DNAJC6: variants seen among roughly 807,000 people sequenced by gnomAD.
DNAJC6 encodes the protein DnaJ heat shock protein family (Hsp40) member C6.
A neutral mutation model predicts 110.0 loss-of-function variants in DNAJC6; 34 were observed. The ratio of observed to expected loss-of-function variants is 0.31; its 90% CI spans 0.24 to 0.41. DNAJC6 has a LOEUF of 0.41. Ranked by LOEUF, DNAJC6 falls within the 10% of genes least tolerant of loss-of-function variation. The probability of loss-of-function intolerance (pLI) is 1.00; values close to 1 mark genes in which losing one functional copy is unlikely to be tolerated. For synonymous variants in DNAJC6, 406 were observed against 437.2 expected (o/e 0.93, Z 0.89); for missense variants, 1,031 against 1,207.8 (o/e 0.85, Z 2.17).
At chr1:65,369,229 T>TC (rs2101567512) in intron 4 of DNAJC6, among the ~76,000 whole-genome samples, 1 of 152,288 alleles carries the variant, frequency 6.6e-6, no homozygotes, top group South Asian at 2.1e-4. Flanking sequence ...CTCTGACCTG[T>TC]CTCCTTTACC....
intron 1 of DNAJC6, among the ~76,000 whole-genome samples, chr1:65,353,658 T>A (rs1312676309): frequency 6.6e-6 from 1 of 152,248 alleles, no homozygotes; most frequent in East Asian, 1.9e-4. Flanking sequence ...TCCACTCTTA[T>A]CAATCTTTTT....
intron 4 of DNAJC6, among the ~76,000 whole-genome samples, chr1:65,367,101 G>T (rs1645653777): frequency 6.6e-6 from 1 of 152,104 alleles, no homozygotes; most frequent in Non-Finnish European, 1.5e-5. Flanking sequence ...TATTCAATAA[G>T]CTATGGGAGA....
At chr1:65,348,998 A>G (rs1452867287) in intron 1 of DNAJC6, among the ~76,000 whole-genome samples, 1 of 145,774 alleles carries the variant, frequency 6.9e-6, no homozygotes, top group Non-Finnish European at 1.5e-5. Flanking sequence ...ATATATATGT[A>G]AATATATATA....
At chr1:65,371,277 T>C (rs941648828) in intron 4 of DNAJC6, among the ~76,000 whole-genome samples, 3 of 152,188 alleles carry the variant, frequency 2.0e-5, no homozygotes, top group Non-Finnish European at 4.4e-5. Context: ...TAGGTTCACA[T>C]CTCAGCTGTT....
upstream of DNAJC6, among the ~76,000 whole-genome samples, chr1:65,306,076 A>AT (rs35897124): frequency 0.097 from 13,060 of 135,208 alleles, 823 homozygotes; most frequent in East Asian, 0.26. Context: ...GGCAACTTCA[A>AT]TTTTTTTTTT....
chr1:65,266,023 C>T (rs895680547), intron 1 of DNAJC6, among the ~76,000 whole-genome samples: 1 of 152,230 alleles, frequency 6.6e-6, no homozygotes, highest in African/African-American at 2.4e-5. Context: ...CCCTTGGGCT[C>T]GGGGGCTTGG....
intron 13 of DNAJC6, among the ~76,000 whole-genome samples, chr1:65,398,502 T>C (rs1434176739): frequency 6.6e-6 from 1 of 152,174 alleles, no homozygotes; most frequent in African/African-American, 2.4e-5. Flanking sequence ...GACAATTGAA[T>C]GGAGACAGAC....
intron 6 of DNAJC6, 39 bp from the exon 7 acceptor site, chr1:65,385,673 T>C (rs1281388455): frequency 7.0e-7 from 1 of 1,435,992 alleles, no homozygotes; most frequent in South Asian, 1.7e-5. Flanking sequence ...CTTCTCCTGA[T>C]GTGATGGGCC....
intron 17 of DNAJC6, among the ~76,000 whole-genome samples, chr1:65,409,106 G>T (rs576198841): frequency 7.9e-5 from 12 of 152,178 alleles, no homozygotes; most frequent in African/African-American, 2.6e-4. Context: ...CTTTCATAAG[G>T]ACACTAATCC....
At chr1:65,278,476 T>C (rs565343) in intron 1 of DNAJC6, among the ~76,000 whole-genome samples, 110,871 of 151,588 alleles carry the variant, frequency 0.73, 41,597 homozygotes, top group East Asian at 0.98. Context: ...TCCCCAACTC[T>C]GACTCTAGTA....
chr1:65,383,129 G>A (rs901083107), intron 5 of DNAJC6, among the ~76,000 whole-genome samples: 3 of 152,180 alleles, frequency 2.0e-5, no homozygotes, highest in Non-Finnish European at 4.4e-5. Context: ...GCTACTTCAA[G>A]TATGAGTAAT....
intron 14 of DNAJC6, among the ~76,000 whole-genome samples, chr1:65,401,492 GA>G (rs745637935): frequency 5.6e-4 from 85 of 152,316 alleles, no homozygotes; most frequent in Non-Finnish European, 5.7e-4. Flanking sequence ...GAAGTCAGGT[GA>G]CATGAGGACC....
chr1:65,316,085 T>G (rs1359532), intron 1 of DNAJC6, among the ~76,000 whole-genome samples: 2 of 152,064 alleles, frequency 1.3e-5, no homozygotes, highest in African/African-American at 4.8e-5. Flanking sequence ...AAGCATTATA[T>G]ATTTTTGGAA....
At chr1:65,352,062 G>C (rs1645495899) in intron 1 of DNAJC6, among the ~76,000 whole-genome samples, 1 of 152,022 alleles carries the variant, frequency 6.6e-6, no homozygotes, top group Non-Finnish European at 1.5e-5. Flanking sequence ...CACTGCACCC[G>C]GCCTTATAAA....
chr1:65,345,627 G>A lies in DNAJC6; in HGVS notation c.194-19008G>A, dbSNP rs926355908. The A allele has an allele frequency of 1.2e-5, 12 of 984,428 alleles. No individual in the cohort carries two copies. In the South Asian group the frequency reaches 3.3e-4, roughly 27 times the overall value. The allele number at this position is 984,428 out of a possible 1,614,324, so 61.0% of individuals were successfully genotyped here. A position where few individuals can be genotyped will look rare whatever the true frequency, so the allele number is the denominator to read the frequency against. ...GTTCTCCAGGAGTGGTTATTATTGA[G>A]TCGAGAATTTTTGGGAAAAGTAACA... is the stretch of plus-strand genomic sequence containing the variant. On this transcript the variant is annotated intron_variant, in intron 1 of 18. Transcript: ENST00000371069.
intron 1 of DNAJC6, among the ~76,000 whole-genome samples, chr1:65,275,563 C>A (rs1159003903): frequency 6.6e-6 from 1 of 152,036 alleles, no homozygotes; most frequent in Non-Finnish European, 1.5e-5. Context: ...TTGTATTTAT[C>A]CTGCTTGGGG....
intron 1 of DNAJC6, among the ~76,000 whole-genome samples, chr1:65,362,158 G>C (rs546876490): frequency 5.2e-5 from 1 of 19,406 alleles, no homozygotes; most frequent in South Asian, 1.5e-3. Context: ...TGGAAGGGTT[G>C]CCTGGGTTCA....
At chr1:65,276,165 G>A (rs370012792) in intron 1 of DNAJC6, among the ~76,000 whole-genome samples, 8 of 152,036 alleles carry the variant, frequency 5.3e-5, no homozygotes, top group Admixed American at 4.6e-4. Context: ...TATAGGCGTG[G>A]GCCACCGCGC....
At chr1:65,384,833 T>C (rs1195819320) in intron 6 of DNAJC6, among the ~76,000 whole-genome samples, 5 of 152,152 alleles carry the variant, frequency 3.3e-5, no homozygotes, top group Non-Finnish European at 7.4e-5. Context: ...AAAAACTGAA[T>C]TGGATTAGGA....
Sources: allele counts gnomAD v4.1 joint callset (sites outside exome capture counted in the v4.1 genomes callset), GRCh38; gene constraint gnomAD v4.1.1; transcripts MANE v1.5; gene names NCBI Gene and HGNC (gene_info 2026-07-23, HGNC 2026-07-21).